Variants in RGP1 observed in about 807,000 individuals in gnomAD.
The protein encoded by RGP1 is RAB6A-GEF complex partner protein 2.
A neutral mutation model predicts 44.5 loss-of-function variants in RGP1; 28 were observed. That is an observed-to-expected ratio of 0.63 (90% CI 0.47 to 0.86). The LOEUF is 0.86. RGP1 is among the 40% of genes least tolerant of loss of function. RGP1 has a pLI of 0.00. For synonymous variants in RGP1, 212 were observed against 196.7 expected, an observed-to-expected ratio of 1.08 and a Z score of -0.65; for missense variants, 417 against 490.7, an observed-to-expected ratio of 0.85 and a Z score of 1.42.
At position 35,752,971 on chromosome 9, in the gene RGP1, T is replaced by C; in HGVS notation, c.*97T>C. On this transcript the variant is annotated 3_prime_UTR_variant, in exon 9 of 9. Transcript: ENST00000378078. ...TTTTTCCACCTGGGGTCCAATGTCG[T>C]GGACAGTGAGAGTCGGGCTTTCAGC... The C allele has an allele frequency of 1.3e-6, 2 of 1,530,596 alleles. No homozygotes were observed. Among genetic ancestry groups the C allele is most frequent in the Non-Finnish European group, 8.9e-7 (1 of 1,121,304 alleles). 94.8% of individuals were successfully genotyped at this position (1,530,596 alleles called of 1,614,324 possible). A position where few individuals can be genotyped will look rare whatever the true frequency, so the allele number is the denominator to read the frequency against.
At chr9:35,777,176 C>G in the RGP1 span, among the ~76,000 whole-genome samples, 2 of 125,878 alleles carry the variant, frequency 1.6e-5, no homozygotes, top group African/African-American at 6.2e-5. Flanking sequence ...GTCACCCAGG[C>G]TGGAGTGCGG....
At position 35,758,278 on chromosome 9, in the gene RGP1, A is replaced by G. The variant is rs1169099946; in HGVS notation, c.*5404A>G. 1 of 152,236 alleles carries G rather than the reference A, an allele frequency of 6.6e-6. No homozygotes were observed. Among genetic ancestry groups the G allele is most frequent in the Non-Finnish European group, 1.5e-5 (1 of 68,030 alleles). The allele number at this position is 152,236 out of a possible 1,614,324, so 9.4% of individuals were successfully genotyped here. ...CACAATTTTAGCATATGAGGCTACT[A>G]TCTTCTGTGGATGTGTATGTAATTA... On this transcript the variant is annotated 3_prime_UTR_variant, in exon 9 of 9. Coordinates refer to ENST00000378078, the MANE Select transcript of RGP1 (RefSeq NM_001080496.3).
chr9:35,762,102 TGA>T (rs750403093), downstream of RGP1, among the ~76,000 whole-genome samples: 4 of 151,830 alleles, frequency 2.6e-5, no homozygotes, highest in Non-Finnish European at 5.9e-5. Context: ...GAGATCAGTG[TGA>T]GATTCTGTTG....
chr9:35,765,618 C>T, the RGP1 span, among the ~76,000 whole-genome samples: 2,381 of 148,306 alleles, frequency 0.016, 30 homozygotes, highest in Admixed American at 0.051. Context: ...GATCTTGCTT[C>T]TGCACTCCAG....
At chr9:35,773,398 GAAAGA>G in the RGP1 span, among the ~76,000 whole-genome samples, 9 of 151,742 alleles carry the variant, frequency 5.9e-5, no homozygotes, top group South Asian at 2.1e-4. Context: ...TAAGTAAAAA[GAAAGA>G]AAAGAAAAGA....
chr9:35,751,688 G>A lies in RGP1; in HGVS notation c.696G>A (p.Val232=). The change falls in exon 7 of 9, where the codon GTG becomes GTA. Residue 232 remains valine (V), a synonymous_variant. Transcript: ENST00000378078. The part of the protein sequence containing the change: ...KVGTFGIFKS[V]YRLGEDVVGT... The stretch of plus-strand genomic sequence containing the variant: ...GGACGTTTGGCATCTTCAAATCTGT[G>A]TACAGACTTGGCGAGGACGTGGTGG... 2 of 1,613,880 alleles carry A rather than the reference G, an allele frequency of 1.2e-6. No individual in the cohort carries two copies. The highest frequency in any genetic ancestry group is 1.3e-5 in the African/African-American group (1 of 75,030).
Position 35,753,860 on chromosome 9 carries a change from T to C in RGP1, c.*986T>C. 2 of 1,511,712 alleles carry C rather than the reference T, an allele frequency of 1.3e-6. No homozygotes were observed. The highest frequency in any genetic ancestry group is 1.8e-6 in the Non-Finnish European group (2 of 1,100,182). 93.6% of individuals were successfully genotyped at this position (1,511,712 alleles called of 1,614,324 possible). A position where few individuals can be genotyped will look rare whatever the true frequency, so the allele number is the denominator to read the frequency against. On this transcript the variant is annotated 3_prime_UTR_variant, in exon 9 of 9. Coordinates refer to ENST00000378078, the MANE Select transcript of RGP1 (RefSeq NM_001080496.3). This position sits in a 1 kb window ranked among gnomAD's most constrained non-coding sequence, Gnocchi z 4.2. The stretch of plus-strand genomic sequence containing the variant: ...TGGGGTGGAGACAGTAAGTACGCAC[T>C]ATCCCCGTATTTAGTTTGTCTTTCC...
the RGP1 span, among the ~76,000 whole-genome samples, chr9:35,788,840 G>A: frequency 5.0e-4 from 76 of 152,110 alleles, no homozygotes; most frequent in African/African-American, 1.6e-3. Flanking sequence ...ATACATAACC[G>A]AAGTTCTCAT....
At chr9:35,767,267 T>C in the RGP1 span, among the ~76,000 whole-genome samples, 5 of 149,958 alleles carry the variant, frequency 3.3e-5, no homozygotes, top group Admixed American at 2.7e-4. Context: ...CTCTTTTCTT[T>C]GGTTTAAGCA....
intron 7 of RGP1, 84 bp downstream of exon 7, chr9:35,751,838 A>T (rs367577778): frequency 3.1e-6 from 5 of 1,596,106 alleles, no homozygotes; most frequent in Non-Finnish European, 4.3e-6. Context: ...GAGGGGTGGC[A>T]TGTAGAAGGG....
chr9:35,779,938 A>G, the RGP1 span, among the ~76,000 whole-genome samples: 1 of 151,772 alleles, frequency 6.6e-6, no homozygotes, highest in African/African-American at 2.4e-5. Context: ...GGGTCTCTCT[A>G]CGTTGCCCAG....
In RGP1 at chr9:35,752,777, C is replaced by T. The variant is rs1412286240; in HGVS notation, c.1079C>T (p.Thr360Ile). The T allele has an allele frequency of 1.2e-6, 2 of 1,613,872 alleles. No individual in the cohort carries two copies. The highest frequency in any genetic ancestry group is 1.7e-6 in the Non-Finnish European group (2 of 1,179,846). Residue 360 changes from threonine to isoleucine, a missense_variant, in exon 9 of 9, where the codon ACC becomes ATC. Thr to Ile is a moderately conservative substitution (Grantham distance 89, BLOSUM62 -1). Transcript: ENST00000378078. ...GGACCTGAGCAAGTACCTGTAGACA[C>T]CTTCAGCTGGGACCTGCCCATCAAG... is the stretch of plus-strand genomic sequence containing the variant. Reference protein sequence around the residue: ...WTGPEQVPVDTFSWDLPIKVL... With the variant: ...WTGPEQVPVDIFSWDLPIKVL...
chr9:35,770,529 GAGA>G, the RGP1 span, among the ~76,000 whole-genome samples: 14 of 123,828 alleles, frequency 1.1e-4, no homozygotes, highest in South Asian at 3.6e-3. Flanking sequence ...GAGAGAGAGA[GAGA>G]GAGAGAGTTG....
At chr9:35,774,425 T>C in the RGP1 span, among the ~76,000 whole-genome samples, 48 of 152,220 alleles carry the variant, frequency 3.2e-4, no homozygotes, top group African/African-American at 1.1e-3. Flanking sequence ...TTGCTGTGTT[T>C]TTAAAAACAT....
the RGP1 span, among the ~76,000 whole-genome samples, chr9:35,768,215 C>A: frequency 6.6e-6 from 1 of 151,920 alleles, no homozygotes; most frequent in Non-Finnish European, 1.5e-5. Context: ...GCATGTGCCA[C>A]CACTCTTGGC....
chr9:35,749,365 A>G lies in RGP1; in HGVS notation c.-63A>G. On this transcript the variant is annotated 5_prime_UTR_variant, in exon 1 of 9. Coordinates refer to ENST00000378078, the MANE Select transcript of RGP1 (RefSeq NM_001080496.3). The surrounding 1 kb of genome is among the most constrained non-coding windows in gnomAD (Gnocchi z 4.4). ...CTAGCCAGGTCCCTGAGGGGCGGGC[A>G]GATGAGGCCTAGGGGTGCCGATCCC... 1 of 540,826 alleles carries G rather than the reference A, an allele frequency of 1.8e-6. No individual in the cohort carries two copies. 33.5% of individuals were successfully genotyped at this position (540,826 alleles called of 1,614,324 possible).
chr9:35,781,754 A>G, the RGP1 span, among the ~76,000 whole-genome samples: 1 of 151,924 alleles, frequency 6.6e-6, no homozygotes, highest in Non-Finnish European at 1.5e-5. Context: ...ATATAAATAC[A>G]TCTGTTCTGT....
At chr9:35,770,967 G>T in the RGP1 span, among the ~76,000 whole-genome samples, 3 of 152,202 alleles carry the variant, frequency 2.0e-5, no homozygotes, top group South Asian at 6.2e-4. Flanking sequence ...CTTTAACCTG[G>T]TGAGGTTTGG....
chr9:35,768,208 T>C, the RGP1 span, among the ~76,000 whole-genome samples: 2 of 151,678 alleles, frequency 1.3e-5, no homozygotes, highest in Admixed American at 1.3e-4. Flanking sequence ...ACCACAAGCA[T>C]GTGCCACCAC....
Sources: gnomAD v4.1 joint callset for allele counts (sites outside exome capture counted in the v4.1 genomes callset) on GRCh38, gnomAD v4.1.1 for gene constraint, Gnocchi (gnomAD v3.1) non-coding constraint, MANE v1.5 for transcripts, NCBI Gene and HGNC (gene_info 2026-07-23, HGNC 2026-07-21) for gene names.